ESPL1: variants seen among roughly 807,000 people sequenced by gnomAD.
ESPL1 encodes the protein extra spindle pole bodies like 1, separase.
ESPL1 carries 50 observed loss-of-function variants against 217.2 expected under a neutral mutation model. The ratio of observed to expected loss-of-function variants is 0.23; its 90% confidence interval spans 0.18 to 0.29. The LOEUF (loss-of-function observed/expected upper bound fraction) is 0.29. Among genes scored for constraint, ESPL1 ranks in the 10% least tolerant of loss-of-function variants. The pLI is 1.00. For missense variants in ESPL1, 1,834 were observed against 2,603.0 expected (o/e 0.70, Z 6.43); for synonymous variants, 994 against 1,081.3 (o/e 0.92, Z 1.58).
chr12:53,285,918 C>T lies in ESPL1; in HGVS notation c.3188-6C>T. The T allele has an allele frequency of 6.6e-7, 1 of 1,513,978 alleles. No individual in the cohort carries two copies. The highest frequency in any genetic ancestry group is 8.9e-7 in the Non-Finnish European group (1 of 1,129,430). 93.8% of individuals were successfully genotyped at this position (1,513,978 alleles called of 1,614,324 possible). ...TTTTGTAATTCTTGTTCTGCCTTCT[C>T]CCCAGAGTTTGGTGGGGTGACTCAG... On this transcript the variant is annotated splice_polypyrimidine_tract_variant and splice_region_variant and intron_variant, in intron 17 of 30. Coordinates refer to ENST00000257934, the MANE Select transcript of ESPL1 (RefSeq NM_012291.5).
rs143830681 is a variant in ESPL1 at position 53,290,915 on chromosome 12, C to G, written c.5439C>G (p.Pro1813=). 6.2e-7 allele frequency: 1 copy of G among 1,606,662 alleles called. No homozygotes were observed. The highest frequency in any genetic ancestry group is 8.5e-7 in the Non-Finnish European group (1 of 1,177,036). Residue 1813 remains proline (P), a synonymous_variant, in exon 25 of 31, where the codon CCC becomes CCG. Coordinates refer to ENST00000257934, the MANE Select transcript of ESPL1 (RefSeq NM_012291.5). ...KGLLLPSSEE[P]GPAQEASRLQ... is the part of the protein sequence containing the mutation. The stretch of plus-strand genomic sequence containing the variant: ...TGCTGCTGCCGTCCAGTGAGGAGCC[C>G]GGCCCTGCCCAGGAGGCCTCCCGCC...
Position 53,292,578 on chromosome 12 carries a change from G to A in ESPL1, c.5917G>A (p.Ala1973Thr). 6.2e-7 allele frequency: 1 copy of A among 1,611,776 alleles called. No individual in the cohort carries two copies. The highest frequency in any genetic ancestry group is 1.7e-4 in the Middle Eastern group (1 of 6,060). ...ACACCTGCCTTTTCCCTGCAGTGAA[G>A]CTGGCTGGAGAGGAGTGGTTGGGGA... ...EQFRANFSSE[A>T]GWRGVVGEVP... is the part of the protein sequence containing the mutation. The change falls in exon 29 of 31, where the codon GCT (alanine) becomes ACT (threonine). Residue 1973 changes from alanine to threonine, a missense_variant. Physicochemically the swap from Ala to Thr is moderately conservative, Grantham distance 58. Transcript: ENST00000257934. The surrounding 1 kb of genome is among the most constrained non-coding windows in gnomAD (Gnocchi z 4.5).
In ESPL1 at chr12:53,293,367, G is replaced by A. The variant is rs1242245482; in HGVS notation, c.6256G>A (p.Gly2086Arg). The stretch of plus-strand genomic sequence containing the variant: ...GCAAGGCTGGCTTGGAGCAGGCCCA[G>A]GGGCCCCCCTTCTCTACTATGTAAA... Reference protein sequence around the residue: ...LLQGWLGAGPGAPLLYYVNQA... With the variant: ...LLQGWLGAGPRAPLLYYVNQA... The change falls in exon 31 of 31, where the codon GGG becomes AGG. Residue 2086 changes from glycine (G) to arginine (R), a missense_variant. Gly to Arg is a moderately radical substitution (Grantham distance 125). Around this residue, in one of 5 missense-constraint regions of ESPL1, gnomAD observed 295 missense variants for 519.8 expected, o/e 0.57. Coordinates refer to ENST00000257934, the MANE Select transcript of ESPL1 (RefSeq NM_012291.5). This position sits in a 1 kb window ranked among gnomAD's most constrained non-coding sequence, Gnocchi z 4.2. The A allele has an allele frequency of 1.9e-6, 3 of 1,614,002 alleles. No individual in the cohort carries two copies. The African/African-American group carries it at 4.0e-5, about 22-fold the overall frequency.
At position 53,290,059 on chromosome 12, in the gene ESPL1, G is replaced by A. The variant is rs746435718; in HGVS notation, c.5114-26G>A. ...AAGGGAATTCCTTTAACAGCTGAAT[G>A]AGTCTGGCTGTATCCTGTGTGTCAG... is the stretch of plus-strand genomic sequence containing the variant. On this transcript the variant is annotated intron_variant, in intron 22 of 30. Transcript: ENST00000257934. 12 of 1,604,878 alleles carry A rather than the reference G, an allele frequency of 7.5e-6. No individual in the cohort carries two copies. The Admixed American group carries it at 1.5e-4, about 20-fold the overall frequency.
chr12:53,273,836 G>GTTTTTTTTTT lies in ESPL1; in HGVS notation c.1507-960_1507-951dup, dbSNP rs71096001. Among the ~76,000 whole-genome samples, 11 of 63,168 alleles carry GTTTTTTTTTT rather than the reference G, an allele frequency of 1.7e-4. 3 individuals are homozygous for GTTTTTTTTTT. The highest frequency in any genetic ancestry group is 8.6e-4 in the African/African-American group (11 of 12,824). 41.4% of individuals were successfully genotyped at this position (63,168 alleles called of 152,430 possible). On this transcript the variant is annotated intron_variant, in intron 6 of 30. Coordinates refer to ENST00000257934, the MANE Select transcript of ESPL1 (RefSeq NM_012291.5). The stretch of plus-strand genomic sequence containing the variant: ...GAGAACCTGGGTTCTTGGTTTTTTG[G>GTTTTTTTTTT]TTTTTTTTTTTTTTTTTTTTTTTTT...
chr12:53,291,115 C>A, intron 25 of ESPL1, 119 bp downstream of exon 25: 2 of 807,266 alleles, frequency 2.5e-6, no homozygotes, highest in Non-Finnish European at 1.9e-6. Flanking sequence ...CCAGCCTGGC[C>A]AACATGGTGA....
At position 53,270,838 on chromosome 12, in the gene ESPL1, G is replaced by T. The variant is rs372701805; in HGVS notation, c.1369+40G>T. On this transcript the variant is annotated intron_variant, in intron 5 of 30. Transcript: ENST00000257934. ...TCCCAGGCACAGAGTTTGTGGGAGG[G>T]TCATCACCCATTAGGCAGGTGAATA... is the stretch of plus-strand genomic sequence containing the variant. 6.1e-5 allele frequency: 99 copies of T among 1,611,236 alleles called. 1 individual carries two copies. The highest frequency in any genetic ancestry group is 1.5e-4 in the South Asian group (14 of 90,906).
Position 53,293,348 on chromosome 12 carries a change from C to A in ESPL1, c.6237C>A (p.Gly2079=). 6.2e-7 allele frequency: 1 copy of A among 1,614,194 alleles called. No homozygotes were observed. The highest frequency in any genetic ancestry group is 8.5e-7 in the Non-Finnish European group (1 of 1,180,002). Residue 2079 remains glycine (G), a synonymous_variant, in exon 31 of 31, where the codon GGC becomes GGA. Coordinates refer to ENST00000257934, the MANE Select transcript of ESPL1 (RefSeq NM_012291.5). This position sits in a 1 kb window ranked among gnomAD's most constrained non-coding sequence, Gnocchi z 4.2. The stretch of plus-strand genomic sequence containing the variant: ...GCTACACGGAAGCTCTGCTGCAAGG[C>A]TGGCTTGGAGCAGGCCCAGGGGCCC... ...IDRYTEALLQ[G]WLGAGPGAPL...
chr12:53,270,009 G>A lies in ESPL1; in HGVS notation c.1067G>A (p.Arg356Lys). The stretch of plus-strand genomic sequence containing the variant: ...GAACGAGGCACCAAGAGGCGCTATA[G>A]ACTTGATGCCATTCTGAGCCTCTTT... ...GLERGTKRRY[R>K]LDAILSLFAF... is the part of the protein sequence containing the mutation. Residue 356 changes from arginine to lysine, a missense_variant, in exon 3 of 31, where the codon AGA (arginine) becomes AAA (lysine). Arg to Lys is a conservative substitution (Grantham distance 26). This residue lies in a region of ESPL1 where 746 missense variants were observed against 1,077.0 expected (regional missense o/e 0.69). Transcript: ENST00000257934. 6.2e-7 allele frequency: 1 copy of A among 1,614,196 alleles called. No homozygotes were observed. The highest frequency in any genetic ancestry group is 8.5e-7 in the Non-Finnish European group (1 of 1,180,030).
intron 12 of ESPL1, among the ~76,000 whole-genome samples, chr12:53,280,648 A>G (rs1304685590): frequency 6.6e-6 from 1 of 152,040 alleles, no homozygotes; most frequent in African/African-American, 2.4e-5. Context: ...TAATACAGGC[A>G]TGAGCCACCG....
At chr12:53,275,250 CAGG>C (rs1269329748) in intron 7 of ESPL1, among the ~76,000 whole-genome samples, 1 of 152,194 alleles carries the variant, frequency 6.6e-6, no homozygotes, top group African/African-American at 2.4e-5. Flanking sequence ...ATCATGAGGT[CAGG>C]AGATCGAGAC....
rs1407881036 is a variant in ESPL1, at chr12:53,287,990, A to G, written c.4195A>G (p.Ser1399Gly). Reference protein sequence around the residue: ...TRLKVNFSDDSDLEDPVSAEA... With the variant: ...TRLKVNFSDDGDLEDPVSAEA... ...ATCTCAGGTGAACTTCAGTGATGACAGTGACTTGGAAGACCCTGTCTCAGC... is the reference window on the plus strand; with the variant it reads ...ATCTCAGGTGAACTTCAGTGATGACGGTGACTTGGAAGACCCTGTCTCAGC... The change falls in exon 19 of 31, where the codon AGT becomes GGT. Residue 1399 changes from serine to glycine, a missense_variant. By Grantham distance (56) the Ser-to-Gly change is moderately conservative (BLOSUM62 0). Transcript: ENST00000257934. 6.2e-7 allele frequency: 1 copy of G among 1,605,664 alleles called. No homozygotes were observed. Among genetic ancestry groups the G allele is most frequent in the East Asian group, 2.2e-5 (1 of 44,810 alleles).
In ESPL1 at chr12:53,282,449, G is replaced by A; in HGVS notation, c.2791+14G>A. 1 of 1,613,112 alleles carries A rather than the reference G, an allele frequency of 6.2e-7. No individual in the cohort carries two copies. The highest frequency in any genetic ancestry group is 8.5e-7 in the Non-Finnish European group (1 of 1,179,206). ...TCTGTGCCCAAGGTGAAAGAATAGGGTGGATGGCCCCCCTTGGATGACATG... is the reference window on the plus strand; with the variant it reads ...TCTGTGCCCAAGGTGAAAGAATAGGATGGATGGCCCCCCTTGGATGACATG... On this transcript the variant is annotated intron_variant, in intron 14 of 30. Coordinates refer to ENST00000257934, the MANE Select transcript of ESPL1 (RefSeq NM_012291.5). This position sits in a 1 kb window ranked among gnomAD's most constrained non-coding sequence, Gnocchi z 4.0.
chr12:53,278,713 T>C (rs1179451502), intron 11 of ESPL1, among the ~76,000 whole-genome samples: 1 of 150,316 alleles, frequency 6.7e-6, no homozygotes, highest in Admixed American at 6.6e-5. Context: ...TGCCTCAGCC[T>C]CCTGAGTAGC....
rs1486608965 is a variant in ESPL1, at chr12:53,286,755, G to A, written c.4019G>A (p.Gly1340Asp). The change falls in exon 18 of 31, where the codon GGT (glycine) becomes GAT (aspartate). Residue 1340 changes from glycine to aspartate, a missense_variant. Physicochemically the swap from Gly to Asp is moderately conservative, Grantham distance 94. This residue lies in a region of ESPL1 where 681 missense variants were observed against 808.0 expected (regional missense o/e 0.84). Coordinates refer to ENST00000257934, the MANE Select transcript of ESPL1 (RefSeq NM_012291.5). This position sits in a 1 kb window ranked among gnomAD's most constrained non-coding sequence, Gnocchi z 5.3. ...AATACCTCTCAGAAAGGTCTGGAAG[G>A]TAGAGGACTGCCCTGCACACCTAAA... ...LNNTSQKGLE[G>D]RGLPCTPKPP... 2 of 1,614,172 alleles carry A rather than the reference G, an allele frequency of 1.2e-6. No individual in the cohort carries two copies. Among genetic ancestry groups the A allele is most frequent in the South Asian group, 1.1e-5 (1 of 91,086 alleles).
In ESPL1 at chr12:53,282,528, C is replaced by A; in HGVS notation, c.2791+93C>A. ...AAACCTCATCCCCTCTGCTGGCTAA[C>A]TATGTGGCCCAGCCTACCTAGAACC... On this transcript the variant is annotated intron_variant, in intron 14 of 30. Transcript: ENST00000257934. The surrounding 1 kb of genome is among the most constrained non-coding windows in gnomAD (Gnocchi z 4.0). The A allele has an allele frequency of 8.3e-7, 1 of 1,203,910 alleles. No individual in the cohort carries two copies. Among genetic ancestry groups the A allele is most frequent in the Non-Finnish European group, 1.2e-6 (1 of 841,294 alleles). 74.6% of individuals were successfully genotyped at this position (1,203,910 alleles called of 1,614,324 possible).
At chr12:53,283,849 A>G (rs1943903354) in intron 16 of ESPL1, among the ~76,000 whole-genome samples, 20 of 152,180 alleles carry the variant, frequency 1.3e-4, no homozygotes, top group Admixed American at 1.3e-3. Flanking sequence ...AGTTTGGGAA[A>G]TCCTGTCCCA....
rs1943690619 is a variant in ESPL1 at position 53,272,306 on chromosome 12, A to G, written c.1370-415A>G. Among the ~76,000 whole-genome samples the G allele has an allele frequency of 2.0e-5, 3 of 152,164 alleles. No individual in the cohort carries two copies. The South Asian group carries it at 6.2e-4, about 32-fold the overall frequency. On this transcript the variant is annotated intron_variant, in intron 5 of 30. Transcript: ENST00000257934. ...AAGGAAAAGTAGAGCAGGATAAGAAAGGGAATTGGGAGTCTAAGGTGCATG... is the reference window on the plus strand; with the variant it reads ...AAGGAAAAGTAGAGCAGGATAAGAAGGGGAATTGGGAGTCTAAGGTGCATG...
rs1229068980 is a variant in ESPL1, at chr12:53,291,712, C to T, written c.5543C>T (p.Ala1848Val). ...LLKIMLSGAGALTPQDIQALA... is the reference protein window; with the variant it reads ...LLKIMLSGAGVLTPQDIQALA... ...CAGATCATGCTCAGTGGTGCCGGTG[C>T]CCTCACCCCTCAGGACATTCAGGCC... The change falls in exon 26 of 31, where the codon GCC becomes GTC. Residue 1848 changes from alanine (A) to valine (V), a missense_variant. Ala to Val is a moderately conservative substitution (Grantham distance 64). This residue lies in a region of ESPL1 where 295 missense variants were observed against 519.8 expected (regional missense o/e 0.57). Coordinates refer to ENST00000257934, the MANE Select transcript of ESPL1 (RefSeq NM_012291.5). 4 of 1,613,784 alleles carry T rather than the reference C, an allele frequency of 2.5e-6. No homozygotes were observed. The Admixed American group carries it at 6.7e-5, about 27-fold the overall frequency.
Sources: allele counts gnomAD v4.1 joint callset (sites outside exome capture counted in the v4.1 genomes callset), GRCh38; gene constraint gnomAD v4.1.1; regional missense constraint gnomAD v4.1.1; non-coding constraint Gnocchi (gnomAD v3.1); transcripts MANE v1.5; gene names NCBI Gene and HGNC (gene_info 2026-07-23, HGNC 2026-07-21).